CRYBG3: variants seen among roughly 807,000 people sequenced by gnomAD.
CRYBG3 encodes the protein crystallin beta-gamma domain containing 3.
In CRYBG3, 127 loss-of-function variants were observed where a neutral mutation model predicts 244.2. The ratio of observed to expected loss-of-function variants is 0.52; its 90% CI spans 0.45 to 0.60. The LOEUF is 0.60. Ranked by LOEUF, CRYBG3 falls within the 20% of genes least tolerant of loss-of-function variation. The pLI, the probability that CRYBG3 is intolerant of heterozygous loss-of-function variation, is 0.00. For missense variants in CRYBG3, 3,325 were observed against 3,442.5 expected (o/e 0.97, Z 0.85); for synonymous variants, 1,132 against 1,195.8 (o/e 0.95, Z 1.10).
chr3:97,943,419 G>A lies in CRYBG3; in HGVS notation c.*105G>A, dbSNP rs1157452079. ...GGAAGCTACTGTCCTCACACTCCTG[G>A]ATCACTGAGCAGAATGAACATTTTC... On this transcript the variant is annotated 3_prime_UTR_variant, in exon 22 of 22. Coordinates refer to ENST00000389622, the MANE Select transcript of CRYBG3 (RefSeq NM_153605.4). The A allele has an allele frequency of 2.9e-6, 2 of 684,774 alleles. No individual in the cohort carries two copies. The highest frequency in any genetic ancestry group is 5.1e-6 in the Non-Finnish European group (2 of 391,278). The allele number at this position is 684,774 out of a possible 1,614,324, so 42.4% of individuals were successfully genotyped here.
At chr3:97,925,308 A>T (rs1035484468) in intron 17 of CRYBG3, among the ~76,000 whole-genome samples, 1 of 152,104 alleles carries the variant, frequency 6.6e-6, no homozygotes, top group Non-Finnish European at 1.5e-5. Flanking sequence ...TATAAATAAC[A>T]TTAGCTTACT....
intron 2 of CRYBG3, among the ~76,000 whole-genome samples, chr3:97,848,320 T>C (rs2038932243): frequency 6.6e-6 from 1 of 152,162 alleles, no homozygotes; most frequent in Non-Finnish European, 1.5e-5. Context: ...TTTTTTGAGA[T>C]GGAGTCTCGC....
At position 97,875,939 on chromosome 3, in the gene CRYBG3, T is replaced by G; in HGVS notation, c.4745T>G (p.Val1582Gly). 2 of 1,232,070 alleles carry G rather than the reference T, an allele frequency of 1.6e-6. No homozygotes were observed. The highest frequency in any genetic ancestry group is 2.0e-6 in the Non-Finnish European group (2 of 987,934). The allele number at this position is 1,232,070 out of a possible 1,614,324, so 76.3% of individuals were successfully genotyped here. Residue 1582 changes from valine to glycine, a missense_variant, in exon 4 of 22, where the codon GTC (valine) becomes GGC (glycine). Coordinates refer to ENST00000389622, the MANE Select transcript of CRYBG3 (RefSeq NM_153605.4). ...RIHKMDAELN[V>G]TKTEPKANVF... is the part of the protein sequence containing the mutation. Reference sequence around the variant, plus strand: ...CATAAAATGGATGCTGAATTGAATGTCACGAAAACTGAGCCAAAAGCTAAT... The same window carrying G: ...CATAAAATGGATGCTGAATTGAATGGCACGAAAACTGAGCCAAAAGCTAAT...
rs367554789 is a variant in CRYBG3 at position 97,874,772 on chromosome 3, A to G, written c.3578A>G (p.Lys1193Arg). The change falls in exon 4 of 22, where the codon AAA becomes AGA. Residue 1193 changes from lysine (K) to arginine (R), a missense_variant. Physicochemically the swap from Lys to Arg is conservative, Grantham distance 26. Coordinates refer to ENST00000389622, the MANE Select transcript of CRYBG3 (RefSeq NM_153605.4). ...RRAHDQLLDL[K>R]SSLLKKADTL... ...GCACATGACCAACTTTTGGACCTCAAAAGTAGTTTACTCAAAAAGGCCGAT... is the reference window on the plus strand; with the variant it reads ...GCACATGACCAACTTTTGGACCTCAGAAGTAGTTTACTCAAAAAGGCCGAT... 6.5e-7 allele frequency: 1 copy of G among 1,536,072 alleles called. No homozygotes were observed. The highest frequency in any genetic ancestry group is 1.4e-5 in the African/African-American group (1 of 73,152).
At chr3:97,896,362 A>G (rs1372113967) in intron 12 of CRYBG3, among the ~76,000 whole-genome samples, 1 of 152,122 alleles carries the variant, frequency 6.6e-6, no homozygotes, top group African/African-American at 2.4e-5. Context: ...TTTACACAGC[A>G]GGCAGTCTGG....
intron 17 of CRYBG3, among the ~76,000 whole-genome samples, chr3:97,918,083 A>T (rs2039946286): frequency 6.6e-6 from 1 of 152,164 alleles, no homozygotes; most frequent in Non-Finnish European, 1.5e-5. Context: ...TGTGTAATTA[A>T]GTTGACATTA....
At chr3:97,933,928 T>G in intron 18 of CRYBG3, 95 bp downstream of exon 18, 1 of 1,026,268 alleles carries the variant, frequency 9.7e-7, no homozygotes, top group Non-Finnish European at 1.4e-6. Context: ...TAGTACGCAT[T>G]CAAGTGGTCT....
chr3:97,939,211 T>C (rs959285568), intron 19 of CRYBG3, among the ~76,000 whole-genome samples: 1 of 152,042 alleles, frequency 6.6e-6, no homozygotes, highest in African/African-American at 2.4e-5. Context: ...AAGAATAGTA[T>C]GCTATTTTCT....
Position 97,879,716 on chromosome 3 carries a change from C to A in CRYBG3, c.6856C>A (p.Gln2286Lys). The A allele has an allele frequency of 6.2e-7, 1 of 1,602,606 alleles. No homozygotes were observed. Among genetic ancestry groups the A allele is most frequent in the Non-Finnish European group, 8.5e-7 (1 of 1,174,844 alleles). Residue 2286 changes from glutamine to lysine, a missense_variant, in exon 5 of 22, where the codon CAA becomes AAA. Around this residue, in one of 4 missense-constraint regions of CRYBG3, gnomAD observed 450 missense variants for 424.1 expected, o/e 1.06. Transcript: ENST00000389622. ...TTTATTATTTCAGAATGTTGACAAA[C>A]AAACTCTGAGATGTAACCCAAGACC... is the stretch of plus-strand genomic sequence containing the variant. ...LSPFIENVDK[Q>K]TLRCNPRPGK...
intron 1 of CRYBG3, among the ~76,000 whole-genome samples, chr3:97,834,289 CAGTT>C (rs2038698377): frequency 6.6e-6 from 1 of 151,984 alleles, no homozygotes; most frequent in African/African-American, 2.4e-5. Context: ...TTATAGAAAA[CAGTT>C]AAGGAAAAAT....
At chr3:97,880,905 CTGTACTTAAAT>C (rs1465310372) in intron 6 of CRYBG3, among the ~76,000 whole-genome samples, 156 bp from the exon 7 acceptor site, 1 of 152,002 alleles carries the variant, frequency 6.6e-6, no homozygotes, top group Non-Finnish European at 1.5e-5. Flanking sequence ...TACTGTTCGC[CTGTACTTAAAT>C]TAGCATATAT....
intron 4 of CRYBG3, among the ~76,000 whole-genome samples, chr3:97,878,369 C>T (rs2039408160): frequency 1.3e-5 from 2 of 152,302 alleles, no homozygotes; most frequent in South Asian, 4.1e-4. Context: ...AAGATCGCAC[C>T]AGTGCACTCC....
intron 3 of CRYBG3, among the ~76,000 whole-genome samples, chr3:97,867,685 T>C (rs2039251283): frequency 6.6e-6 from 1 of 152,226 alleles, no homozygotes; most frequent in African/African-American, 2.4e-5. Context: ...ATTATGTACC[T>C]TTGGTATATA....
chr3:97,831,031 G>A (rs2038647529), intron 1 of CRYBG3, among the ~76,000 whole-genome samples: 1 of 152,136 alleles, frequency 6.6e-6, no homozygotes, highest in African/African-American at 2.4e-5. Flanking sequence ...CTGACAAGAG[G>A]CAGATTAATA....
intron 2 of CRYBG3, among the ~76,000 whole-genome samples, chr3:97,850,190 C>T (rs927402869): frequency 6.6e-6 from 1 of 152,094 alleles, no homozygotes; most frequent in African/African-American, 2.4e-5. Flanking sequence ...TATCTCCCTT[C>T]CCATTGAACT....
rs2040223487 is a variant in CRYBG3 at position 97,941,108 on chromosome 3, T to G, written c.8506-40T>G. 3 of 1,551,628 alleles carry G rather than the reference T, an allele frequency of 1.9e-6. No homozygotes were observed. The East Asian group carries it at 6.9e-5, about 36-fold the overall frequency. On this transcript the variant is annotated intron_variant, in intron 19 of 21. Coordinates refer to ENST00000389622, the MANE Select transcript of CRYBG3 (RefSeq NM_153605.4). ...CCTCTGGAAGGATTCATTTCCAGAT[T>G]CAAAAGTTTATTTCTAAATGGCTGT...
intron 12 of CRYBG3, among the ~76,000 whole-genome samples, chr3:97,898,099 A>G (rs2039660524): frequency 6.6e-6 from 1 of 152,012 alleles, no homozygotes; most frequent in African/African-American, 2.4e-5. Context: ...GGGCACCTGT[A>G]GTCCCAACTA....
intron 12 of CRYBG3, among the ~76,000 whole-genome samples, chr3:97,897,152 C>A (rs1030572575): frequency 1.3e-5 from 2 of 151,784 alleles, no homozygotes; most frequent in Non-Finnish European, 2.9e-5. Flanking sequence ...TCAGACTTTA[C>A]GCCTCTTTTC....
chr3:97,923,846 T>C (rs2040011140), intron 17 of CRYBG3, among the ~76,000 whole-genome samples: 1 of 152,082 alleles, frequency 6.6e-6, no homozygotes, highest in South Asian at 2.1e-4. Context: ...GTAAAAGGAC[T>C]CAATATTGTA....
Sources: allele counts gnomAD v4.1 joint callset (sites outside exome capture counted in the v4.1 genomes callset), GRCh38; gene constraint gnomAD v4.1.1; regional missense constraint gnomAD v4.1.1; transcripts MANE v1.5; gene names NCBI Gene and HGNC (gene_info 2026-07-23, HGNC 2026-07-21).